GFM1: variants seen among roughly 807,000 people sequenced by gnomAD.
GFM1 encodes elongation factor G, mitochondrial.
GFM1 carries 62 observed loss-of-function variants against 96.2 expected under a neutral mutation model. That is an observed-to-expected ratio of 0.64 (90% CI 0.53 to 0.80). The LOEUF (loss-of-function observed/expected upper bound fraction) is 0.80. GFM1 is among the 30% of genes least tolerant of loss of function. GFM1 has a pLI of 0.00. For missense variants in GFM1, 852 were observed against 916.6 expected (o/e 0.93, Z 0.91); for synonymous variants, 282 against 312.9 (o/e 0.90, Z 1.04).
intron 13 of GFM1, chr3:158,668,929 T>G (rs1384901115): frequency 7.2e-7 from 1 of 1,381,786 alleles, no homozygotes; most frequent in Non-Finnish European, 1.0e-6. Flanking sequence ...GTTAATCCAA[T>G]TATGAATTAC....
chr3:158,659,612 T>TA (rs1723031291), intron 9 of GFM1, among the ~76,000 whole-genome samples: 1 of 152,270 alleles, frequency 6.6e-6, no homozygotes, highest in South Asian at 2.1e-4. Flanking sequence ...AACTTTGACT[T>TA]ACGCCTTGAA....
chr3:158,673,597 C>T (rs967697609), intron 13 of GFM1, among the ~76,000 whole-genome samples: 7 of 149,202 alleles, frequency 4.7e-5, no homozygotes, highest in Non-Finnish European at 8.9e-5. Flanking sequence ...CTGCAACGTC[C>T]GCCTCCTGGG....
chr3:158,674,937 G>T (rs1194080439), intron 13 of GFM1, among the ~76,000 whole-genome samples: 2 of 152,160 alleles, frequency 1.3e-5, no homozygotes, highest in Non-Finnish European at 2.9e-5. Flanking sequence ...TTTAAAAAAT[G>T]TGTAAAAATT....
chr3:158,668,578 G>A (rs1243428136), intron 13 of GFM1, among the ~76,000 whole-genome samples: 2 of 152,188 alleles, frequency 1.3e-5, no homozygotes, highest in Admixed American at 6.5e-5. Context: ...GAAAGATTAA[G>A]AGCTATGATT....
intron 5 of GFM1, chr3:158,651,041 A>G (rs1722260018): frequency 6.6e-6 from 1 of 151,744 alleles, no homozygotes; most frequent in Non-Finnish European, 1.5e-5. Context: ...AAAAAAAAAA[A>G]AAAAGAAATA....
chr3:158,646,414 T>C, intron 3 of GFM1, 117 bp downstream of exon 3: 1 of 1,099,640 alleles, frequency 9.1e-7, no homozygotes, highest in Non-Finnish European at 1.4e-6. Flanking sequence ...TAACACTGAA[T>C]TCCTATTAAA....
At chr3:158,677,673 T>A (rs949738734) in intron 13 of GFM1, among the ~76,000 whole-genome samples, 1 of 151,816 alleles carries the variant, frequency 6.6e-6, no homozygotes, top group African/African-American at 2.4e-5. Flanking sequence ...CCCGACTAAG[T>A]TTTGTATTTT....
At chr3:158,665,549 T>C in intron 12 of GFM1, 75 bp downstream of exon 12, 1 of 1,336,542 alleles carries the variant, frequency 7.5e-7, no homozygotes, top group Non-Finnish European at 1.1e-6. Flanking sequence ...TAATTCTCAA[T>C]CTAATGTCTG....
At chr3:158,688,401 C>A (rs1726043331) in intron 15 of GFM1, among the ~76,000 whole-genome samples, 1 of 152,230 alleles carries the variant, frequency 6.6e-6, no homozygotes, top group East Asian at 1.9e-4. Flanking sequence ...AGGAAGAGAG[C>A]AGGGTAAGGG....
intron 13 of GFM1, chr3:158,672,666 A>G (rs1306786567): frequency 1.8e-5 from 11 of 602,534 alleles, no homozygotes; most frequent in Non-Finnish European, 2.8e-5. Flanking sequence ...GGCTCCCTGC[A>G]TCCGAGAGCC....
chr3:158,690,532 A>G, intron 16 of GFM1: 1 of 564,888 alleles, frequency 1.8e-6, no homozygotes. Context: ...TGAATGTGTC[A>G]TTTTCTTAGA....
intron 5 of GFM1, chr3:158,649,899 G>T (rs1486349130): frequency 1.6e-5 from 15 of 913,244 alleles, no homozygotes; most frequent in Non-Finnish European, 2.2e-5. Context: ...GCTCTTACAG[G>T]TCTGCAGACC....
rs1722985112 is a variant in GFM1, at chr3:158,659,015, G to A, written c.1177G>A (p.Val393Ile). 2.5e-6 allele frequency: 4 copies of A among 1,614,096 alleles called. No homozygotes were observed. Among genetic ancestry groups the A allele is most frequent in the Non-Finnish European group, 3.4e-6 (4 of 1,180,052 alleles). The change falls in exon 9 of 18, where the codon GTA becomes ATA. Residue 393 changes from valine to isoleucine, a missense_variant. Coordinates refer to ENST00000486715, the MANE Select transcript of GFM1 (RefSeq NM_024996.7). ...CTATAACACAAGGACAAGAAAGAAA[G>A]TACGGTTGCAACGGCTGGCTCGCAT... ...TIYNTRTRKK[V>I]RLQRLARMHA... is the part of the protein sequence containing the mutation.
chr3:158,672,354 A>G (rs1724412989), intron 13 of GFM1: 2 of 1,613,796 alleles, frequency 1.2e-6, no homozygotes, highest in Non-Finnish European at 1.7e-6. Flanking sequence ...ACTCACCTCC[A>G]TGCTGGCTTG....
At chr3:158,654,473 C>A in intron 7 of GFM1, 74 bp from the exon 8 acceptor site, 1 of 940,072 alleles carries the variant, frequency 1.1e-6, no homozygotes, top group Non-Finnish European at 1.7e-6. Context: ...GATAATACTT[C>A]CTGATGAAAT....
At chr3:158,669,215 A>T in intron 13 of GFM1, 1 of 1,403,924 alleles carries the variant, frequency 7.1e-7, no homozygotes, top group Non-Finnish European at 9.7e-7. Flanking sequence ...ATCATGTCTT[A>T]GTTTCCTTCG....
chr3:158,664,304 G>A (rs891464), intron 11 of GFM1, among the ~76,000 whole-genome samples: 87,968 of 152,106 alleles, frequency 0.58, 26,266 homozygotes, highest in African/African-American at 0.73. Context: ...TAGGCTGATA[G>A]CTGTTCTCAA....
chr3:158,685,565 T>G (rs1427968342), intron 15 of GFM1, among the ~76,000 whole-genome samples: 1 of 152,154 alleles, frequency 6.6e-6, no homozygotes, highest in Non-Finnish European at 1.5e-5. Flanking sequence ...AACTTTGTGG[T>G]GTTTTTGGTC....
At position 158,691,524 on chromosome 3, in the gene GFM1, G is replaced by C; in HGVS notation, c.*57G>C. ...TGAATCTGCGTGGTTTTGATACTTT[G>C]ATGGATTCCAGTGGAATAAATTCAG... On this transcript the variant is annotated 3_prime_UTR_variant, in exon 18 of 18. Coordinates refer to ENST00000486715, the MANE Select transcript of GFM1 (RefSeq NM_024996.7). 6.3e-7 allele frequency: 1 copy of C among 1,586,990 alleles called. No homozygotes were observed. Among genetic ancestry groups the C allele is most frequent in the South Asian group, 1.1e-5 (1 of 89,802 alleles).
Sources: allele counts gnomAD v4.1 joint callset (sites outside exome capture counted in the v4.1 genomes callset), GRCh38; gene constraint gnomAD v4.1.1; transcripts MANE v1.5; gene names NCBI Gene and HGNC (gene_info 2026-07-23, HGNC 2026-07-21).